WBP4: variants seen among roughly 807,000 people sequenced by gnomAD.
The protein encoded by WBP4 is WW domain-binding protein 4.
A neutral mutation model predicts 55.4 loss-of-function variants in WBP4; 37 were observed. That is an observed-to-expected ratio of 0.67 (90% CI 0.51 to 0.88). WBP4 has a LOEUF of 0.88. Ranked by LOEUF, WBP4 falls within the 40% of genes least tolerant of loss-of-function variation. The probability of loss-of-function intolerance (pLI) is 0.00; values close to 1 mark genes in which losing one functional copy is unlikely to be tolerated. For missense variants in WBP4, 398 were observed against 420.8 expected (o/e 0.95, Z 0.47); for synonymous variants, 142 against 140.2 (o/e 1.01, Z -0.09).
Position 41,078,857 on chromosome 13 carries a change from A to G in WBP4, c.757-1789A>G, listed in dbSNP as rs1421566200. On this transcript the variant is annotated intron_variant, in intron 8 of 9. Transcript: ENST00000379487. ...AAAGAAAAAGGAAAAGAAAAAAAAA[A>G]TCCTAGAAGGAAATCTAGGAAAAAC... Among the ~76,000 whole-genome samples, 3 of 152,240 alleles carry G rather than the reference A, an allele frequency of 2.0e-5. No individual in the cohort carries two copies. The South Asian group carries it at 6.2e-4, about 32-fold the overall frequency.
At chr13:41,069,984 T>C (rs1263175312) in intron 5 of WBP4, among the ~76,000 whole-genome samples, 4 of 152,190 alleles carry the variant, frequency 2.6e-5, no homozygotes, top group Non-Finnish European at 5.9e-5. Flanking sequence ...TTGGGGTTTT[T>C]ACTCCGTATA....
At position 41,083,790 on chromosome 13, in the gene WBP4, T is replaced by G. The variant is rs1878891458; in HGVS notation, c.*876T>G. 1 of 152,198 alleles carries G rather than the reference T, an allele frequency of 6.6e-6. No homozygotes were observed. Among genetic ancestry groups the G allele is most frequent in the South Asian group, 2.1e-4 (1 of 4,834 alleles). The allele number at this position is 152,198 out of a possible 1,614,324, so 9.4% of individuals were successfully genotyped here. A position where few individuals can be genotyped will look rare whatever the true frequency, so the allele number is the denominator to read the frequency against. ...AAAAGTTTTTAGTGTTTACTTAAAT[T>G]AGTAATTTCTCACTTTCTGTCTGGT... On this transcript the variant is annotated 3_prime_UTR_variant, in exon 10 of 10. Coordinates refer to ENST00000379487, the MANE Select transcript of WBP4 (RefSeq NM_007187.5).
intron 4 of WBP4, among the ~76,000 whole-genome samples, chr13:41,065,749 C>A (rs1223709534): frequency 6.6e-6 from 1 of 152,142 alleles, no homozygotes; most frequent in African/African-American, 2.4e-5. Context: ...GCAGATTTTA[C>A]TAGTAGAAGG....
At chr13:41,064,935 TTTATGAGAAAA>T (rs1240600118) in intron 2 of WBP4, 70 bp from the exon 3 acceptor site, 1 of 1,265,060 alleles carries the variant, frequency 7.9e-7, no homozygotes, top group Non-Finnish European at 1.1e-6. Flanking sequence ...TTTTCTCATG[TTTATGAGAAAA>T]TTATGTTTAC....
intron 7 of WBP4, among the ~76,000 whole-genome samples, chr13:41,073,252 GC>G (rs1337028404): frequency 6.6e-6 from 1 of 152,216 alleles, no homozygotes; most frequent in Non-Finnish European, 1.5e-5. Context: ...AGTGGCACAT[GC>G]CTGTAATCCC....
intron 7 of WBP4, among the ~76,000 whole-genome samples, chr13:41,074,724 G>A (rs1359225348): frequency 1.3e-5 from 2 of 152,172 alleles, no homozygotes; most frequent in African/African-American, 4.8e-5. Flanking sequence ...AACTGGCGTG[G>A]TGGTTCACAC....
At chr13:41,080,851 T>C in intron 9 of WBP4, 42 bp downstream of exon 9, 1 of 1,564,584 alleles carries the variant, frequency 6.4e-7, no homozygotes, top group Non-Finnish European at 8.7e-7. Flanking sequence ...TTACAAGTGA[T>C]TTTACATCCC....
chr13:41,074,696 T>G (rs1878399697), intron 7 of WBP4, among the ~76,000 whole-genome samples: 1 of 152,210 alleles, frequency 6.6e-6, no homozygotes, highest in South Asian at 2.1e-4. Context: ...TAGTAGGTGC[T>G]AAATAAATTA....
chr13:41,067,113 C>T (rs1020731125), intron 4 of WBP4, among the ~76,000 whole-genome samples: 3 of 152,126 alleles, frequency 2.0e-5, no homozygotes, highest in Non-Finnish European at 2.9e-5. Context: ...CTCAGCTCGT[C>T]ACCAGTCCCA....
intron 9 of WBP4, 62 bp from the exon 10 acceptor site, chr13:41,082,642 G>T (rs1172343611): frequency 6.7e-6 from 10 of 1,489,706 alleles, no homozygotes; most frequent in Non-Finnish European, 9.3e-6. Context: ...TTGGGGCATT[G>T]GTTATATGAA....
chr13:41,078,883 T>C lies in WBP4; in HGVS notation c.757-1763T>C, dbSNP rs183380920. Among the ~76,000 whole-genome samples the C allele has an allele frequency of 8.6e-5, 13 of 151,706 alleles. No individual in the cohort carries two copies. The East Asian group carries it at 2.5e-3, about 29-fold the overall frequency. ...TCCTAGAAGGAAATCTAGGAAAAAC[T>C]CATCTGGTCATTGACGTAAGCAAAG... On this transcript the variant is annotated intron_variant, in intron 8 of 9. Transcript: ENST00000379487.
intron 1 of WBP4, among the ~76,000 whole-genome samples, chr13:41,061,882 G>C (rs1877666067): frequency 6.6e-6 from 1 of 152,070 alleles, no homozygotes; most frequent in South Asian, 2.1e-4. Flanking sequence ...CTGGGGTATG[G>C]GGCACGGGCT....
intron 8 of WBP4, among the ~76,000 whole-genome samples, chr13:41,079,535 C>T (rs1878665293): frequency 8.6e-6 from 1 of 116,068 alleles, no homozygotes; most frequent in Non-Finnish European, 1.8e-5. Context: ...GAGCAAGACT[C>T]CGTCTCAAAA....
At chr13:41,064,507 T>TA (rs1877855971) in intron 2 of WBP4, among the ~76,000 whole-genome samples, 2 of 152,184 alleles carry the variant, frequency 1.3e-5, no homozygotes, top group African/African-American at 4.8e-5. Context: ...CATTACCACA[T>TA]TGTATAAAAG....
intron 1 of WBP4, chr13:41,062,191 G>C (rs1877705173): frequency 1.0e-6 from 1 of 953,596 alleles, no homozygotes; most frequent in Non-Finnish European, 1.2e-6. Context: ...AGAACAGTTT[G>C]TTTTAACTGA....
chr13:41,062,588 A>T (rs1316052713), intron 1 of WBP4, 56 bp from the exon 2 acceptor site: 2 of 1,523,146 alleles, frequency 1.3e-6, no homozygotes, highest in Non-Finnish European at 1.8e-6. Context: ...AAGCATGCAG[A>T]ATTTAACCTT....
intron 7 of WBP4, 93 bp from the exon 8 acceptor site, chr13:41,075,951 C>T: frequency 1.5e-6 from 2 of 1,302,348 alleles, no homozygotes; most frequent in Admixed American, 4.3e-5. Context: ...ACAGTATTGT[C>T]ATTTAATAAT....
chr13:41,062,135 T>C (rs1319431459), intron 1 of WBP4: 7 of 323,746 alleles, frequency 2.2e-5, no homozygotes, highest in African/African-American at 1.7e-4. Context: ...GTCGGCCGTC[T>C]ACGAAGTCCC....
rs1287457879 is a variant in WBP4 at position 41,083,577 on chromosome 13, C to T, written c.*663C>T. 6.6e-6 allele frequency: 1 copy of T among 152,206 alleles called. No individual in the cohort carries two copies. The highest frequency in any genetic ancestry group is 1.5e-5 in the Non-Finnish European group (1 of 68,078). 9.4% of individuals were successfully genotyped at this position (152,206 alleles called of 1,614,324 possible). ...TGAACCAGGCATTGTGTTAGGAATC[C>T]AGGGATAAAGATGAATGAAATGTAT... On this transcript the variant is annotated 3_prime_UTR_variant, in exon 10 of 10. Transcript: ENST00000379487.
Sources: allele counts gnomAD v4.1 joint callset (sites outside exome capture counted in the v4.1 genomes callset), GRCh38; gene constraint gnomAD v4.1.1; transcripts MANE v1.5; gene names NCBI Gene and HGNC (gene_info 2026-07-23, HGNC 2026-07-21).